The following CCDC102B variants were observed in gnomAD, a reference collection of about 807,000 sequenced individuals.
CCDC102B encodes the protein coiled-coil domain-containing protein 102B.
A neutral mutation model predicts 57.4 loss-of-function variants in CCDC102B; 75 were observed. That is an observed-to-expected ratio of 1.31 (90% CI 1.08 to 1.58). CCDC102B has a LOEUF of 1.58. CCDC102B is among the 40% of genes most tolerant of loss of function. The pLI, the probability that CCDC102B is intolerant of heterozygous loss-of-function variation, is 0.00. For synonymous variants in CCDC102B, 206 were observed against 201.9 expected, an observed-to-expected ratio of 1.02 and a Z score of -0.17; for missense variants, 636 against 582.6, an observed-to-expected ratio of 1.09 and a Z score of -0.94.
intron 2 of CCDC102B, among the ~76,000 whole-genome samples, chr18:68,767,844 C>A (rs1413005819): frequency 6.6e-6 from 1 of 151,954 alleles, no homozygotes; most frequent in East Asian, 1.9e-4. Flanking sequence ...AAAATATGTG[C>A]AAGTGTTTTT....
chr18:68,836,942 A>C lies in CCDC102B; in HGVS notation c.179A>C (p.His60Pro), dbSNP rs149880637. ...QSHAAHNFCA[H>P]SYNTNKWDIC... ...CATGCTGCTCACAATTTCTGTGCTC[A>C]CTCATATAACACCAACAAATGGGAT... The change falls in exon 2 of 8, where the codon CAC (histidine) becomes CCC (proline). Residue 60 changes from histidine to proline, a missense_variant. His to Pro is a moderately conservative substitution (Grantham distance 77). Coordinates refer to ENST00000360242, the MANE Select transcript of CCDC102B (RefSeq NM_024781.3). 209 of 1,614,056 alleles carry C rather than the reference A, an allele frequency of 1.3e-4. 1 individual carries two copies. In the East Asian group the frequency reaches 2.8e-3, roughly 22 times the overall value.
intron 4 of CCDC102B, among the ~76,000 whole-genome samples, chr18:68,851,606 A>G (rs1198580527): frequency 1.3e-5 from 2 of 152,184 alleles, no homozygotes; most frequent in Non-Finnish European, 2.9e-5. Flanking sequence ...CTTTAAGACT[A>G]TTATAAGAAT....
At chr18:68,808,696 T>C (rs909289365) in intron 1 of CCDC102B, among the ~76,000 whole-genome samples, 1 of 152,092 alleles carries the variant, frequency 6.6e-6, no homozygotes, top group African/African-American at 2.4e-5. Context: ...GCCAGGATGG[T>C]CTCGATCTCC....
At chr18:68,848,774 A>G (rs771810713) in intron 4 of CCDC102B, among the ~76,000 whole-genome samples, 8 of 152,058 alleles carry the variant, frequency 5.3e-5, no homozygotes, top group Non-Finnish European at 8.8e-5. Context: ...AGGATCAAAC[A>G]TTCATGTAGG....
intron 1 of CCDC102B, among the ~76,000 whole-genome samples, chr18:68,831,080 GC>G (rs2037123787): frequency 6.6e-6 from 1 of 151,776 alleles, no homozygotes; most frequent in African/African-American, 2.4e-5. Flanking sequence ...TAATTTTTAA[GC>G]CCCTTAAAGC....
At chr18:68,931,161 A>C (rs182519289) in intron 6 of CCDC102B, among the ~76,000 whole-genome samples, 11 of 151,952 alleles carry the variant, frequency 7.2e-5, no homozygotes, top group Admixed American at 5.9e-4. Context: ...TATGATCTGT[A>C]AGTCGCATTG....
intron 1 of CCDC102B, among the ~76,000 whole-genome samples, chr18:68,804,423 T>G (rs780771952): frequency 3.9e-5 from 6 of 152,116 alleles, no homozygotes; most frequent in African/African-American, 9.7e-5. Flanking sequence ...ATATGTCTGT[T>G]AGGAAATTTC....
chr18:68,834,312 G>T (rs2037269481), intron 1 of CCDC102B, among the ~76,000 whole-genome samples: 1 of 151,524 alleles, frequency 6.6e-6, no homozygotes, highest in South Asian at 2.1e-4. Context: ...AACTAGCAAG[G>T]ATAAATTTAA....
chr18:68,998,999 T>TATATATATATATAG (rs2051122947), intron 6 of CCDC102B, among the ~76,000 whole-genome samples: 1 of 43,336 alleles, frequency 2.3e-5, no homozygotes, highest in African/African-American at 7.9e-5. Context: ...TATATATATA[T>TATATATATATATAG]AGAGAGAGAG....
chr18:68,836,373 TA>T (rs1251044898), intron 1 of CCDC102B, among the ~76,000 whole-genome samples: 1 of 152,126 alleles, frequency 6.6e-6, no homozygotes, highest in Admixed American at 6.5e-5. Context: ...CTCACGCCTG[TA>T]ATCCCAGCAC....
At chr18:68,995,533 T>C (rs8095267) in intron 6 of CCDC102B, among the ~76,000 whole-genome samples, 130,163 of 151,988 alleles carry the variant, frequency 0.86, 57,740 homozygotes, top group Non-Finnish European at 0.97. Context: ...GGCCATTGCT[T>C]GAGAGGGTAC....
chr18:69,005,810 A>G (rs2145373413), intron 6 of CCDC102B, among the ~76,000 whole-genome samples: 1 of 151,284 alleles, frequency 6.6e-6, no homozygotes, highest in South Asian at 2.1e-4. Context: ...TAAAATATGT[A>G]TATATATATA....
At chr18:68,808,210 A>G (rs1384208967) in intron 1 of CCDC102B, among the ~76,000 whole-genome samples, 2 of 152,116 alleles carry the variant, frequency 1.3e-5, no homozygotes, top group African/African-American at 4.8e-5. Flanking sequence ...TTTATATTAT[A>G]TTAAGATGGA....
At chr18:68,731,936 C>A in intron 2 of CCDC102B, among the ~76,000 whole-genome samples, 1 of 142,624 alleles carries the variant, frequency 7.0e-6, no homozygotes, top group African/African-American at 2.5e-5. Flanking sequence ...AAACTGAACA[C>A]ATATCAAAGG....
intron 5 of CCDC102B, among the ~76,000 whole-genome samples, chr18:68,879,628 A>G (rs1478750653): frequency 6.6e-6 from 1 of 151,878 alleles, no homozygotes; most frequent in Non-Finnish European, 1.5e-5. Flanking sequence ...GCATTCACAA[A>G]CCCTGAGATA....
chr18:68,982,123 G>A (rs943324387), intron 6 of CCDC102B, among the ~76,000 whole-genome samples: 5 of 151,818 alleles, frequency 3.3e-5, no homozygotes, highest in African/African-American at 1.2e-4. Context: ...GTCTGTCAAA[G>A]TCAATTGTTC....
chr18:69,013,956 G>A (rs1048658785), intron 7 of CCDC102B, among the ~76,000 whole-genome samples: 1 of 152,094 alleles, frequency 6.6e-6, no homozygotes, highest in East Asian at 1.9e-4. Flanking sequence ...TAATGCTAAA[G>A]CTCTGAATCT....
At chr18:68,968,091 G>A (rs1192994435) in intron 6 of CCDC102B, among the ~76,000 whole-genome samples, 4 of 152,128 alleles carry the variant, frequency 2.6e-5, no homozygotes, top group African/African-American at 9.7e-5. Flanking sequence ...ATACAGTTAT[G>A]TGTTGCCTAA....
At chr18:69,035,580 A>G (rs2052268885) in intron 7 of CCDC102B, among the ~76,000 whole-genome samples, 1 of 152,132 alleles carries the variant, frequency 6.6e-6, no homozygotes, top group Admixed American at 6.6e-5. Context: ...CATGTAACAA[A>G]TGCTATATAC....
Sources: gnomAD v4.1 joint callset for allele counts (sites outside exome capture counted in the v4.1 genomes callset) on GRCh38, gnomAD v4.1.1 for gene constraint, MANE v1.5 for transcripts, NCBI Gene and HGNC (gene_info 2026-07-23, HGNC 2026-07-21) for gene names.